The following SSBP2 variants were observed in gnomAD, a reference collection of about 807,000 sequenced individuals.
SSBP2 encodes the protein single-stranded DNA-binding protein 2.
Under a neutral mutation model 61.8 loss-of-function variants are expected in SSBP2, and 17 were observed. The ratio of observed to expected loss-of-function variants is 0.28; its 90% CI spans 0.19 to 0.41. SSBP2 has a LOEUF of 0.41. Among genes scored for constraint, SSBP2 ranks in the 10% least tolerant of loss-of-function variants. The pLI is 1.00. For synonymous variants in SSBP2, 139 were observed against 141.3 expected (o/e 0.98, Z 0.12); for missense variants, 310 against 458.7 (o/e 0.68, Z 2.96).
At chr5:81,490,743 A>G (rs1024246211) in intron 5 of SSBP2, among the ~76,000 whole-genome samples, 5 of 152,196 alleles carry the variant, frequency 3.3e-5, no homozygotes, top group Non-Finnish European at 5.9e-5. Flanking sequence ...GCAGAGTCTG[A>G]CAAACCAACA....
Position 81,551,082 on chromosome 5 carries a change from C to T in SSBP2, c.283-37365G>A, listed in dbSNP as rs144506590. ...CTGCACTCCACCCTGGGTGACAGAA[C>T]GAGACTCCATCTCGAAAAAAAAAAA... On this transcript the variant is annotated intron_variant, in intron 4 of 16. Transcript: ENST00000320672. 2.9e-4 allele frequency among the ~76,000 whole-genome samples: 35 copies of T among 120,426 alleles called. 2 individuals carry two copies. The East Asian group carries it at 5.8e-3, about 20-fold the overall frequency. 79.0% of individuals were successfully genotyped at this position (120,426 alleles called of 152,430 possible).
At chr5:81,699,329 T>C (rs1753804113) in intron 1 of SSBP2, among the ~76,000 whole-genome samples, 1 of 152,222 alleles carries the variant, frequency 6.6e-6, no homozygotes, top group South Asian at 2.1e-4. Flanking sequence ...TGTAGCATGC[T>C]ATGCTGTTTG....
chr5:81,556,954 T>C (rs972014698), intron 4 of SSBP2, among the ~76,000 whole-genome samples: 2 of 152,186 alleles, frequency 1.3e-5, no homozygotes, highest in Non-Finnish European at 2.9e-5. Flanking sequence ...ATAAAAAAGC[T>C]GTACATAACT....
intron 5 of SSBP2, among the ~76,000 whole-genome samples, chr5:81,496,754 G>A (rs973556616): frequency 6.0e-4 from 92 of 152,158 alleles, no homozygotes; most frequent in African/African-American, 2.2e-3. Context: ...AAAGAAAACC[G>A]AAGACCAAAT....
intron 1 of SSBP2, among the ~76,000 whole-genome samples, chr5:81,737,681 G>A (rs1453873466): frequency 6.6e-6 from 1 of 150,702 alleles, no homozygotes. Context: ...CCAGCTACTC[G>A]AGAGGCTGAG....
chr5:81,604,942 A>T (rs1379750661), intron 4 of SSBP2, among the ~76,000 whole-genome samples: 1 of 152,152 alleles, frequency 6.6e-6, no homozygotes, highest in Non-Finnish European at 1.5e-5. Flanking sequence ...TTTTCCATTG[A>T]AAATGAAAAT....
At chr5:81,627,968 G>A (rs1428775552) in intron 3 of SSBP2, among the ~76,000 whole-genome samples, 1 of 152,036 alleles carries the variant, frequency 6.6e-6, no homozygotes, top group Non-Finnish European at 1.5e-5. Flanking sequence ...AGGAGGCTTA[G>A]GTGGGAGGAT....
chr5:81,596,463 T>C (rs1743759928), intron 4 of SSBP2, among the ~76,000 whole-genome samples: 1 of 98,278 alleles, frequency 1.0e-5, no homozygotes, highest in South Asian at 4.1e-4. Flanking sequence ...ACCAATGACT[T>C]TCTTCACAGA....
intron 4 of SSBP2, among the ~76,000 whole-genome samples, chr5:81,531,034 C>T (rs998792691): frequency 2.6e-5 from 4 of 151,550 alleles, no homozygotes; most frequent in African/African-American, 9.7e-5. Flanking sequence ...CATAGTAAGA[C>T]CCTATTTCTA....
At chr5:81,652,374 T>G (rs989546581) in intron 1 of SSBP2, among the ~76,000 whole-genome samples, 1 of 152,142 alleles carries the variant, frequency 6.6e-6, no homozygotes, top group Non-Finnish European at 1.5e-5. Flanking sequence ...TAAGTGACAG[T>G]CCTCACTTTC....
At chr5:81,467,810 T>A (rs1235178950) in intron 8 of SSBP2, among the ~76,000 whole-genome samples, 3 of 152,014 alleles carry the variant, frequency 2.0e-5, no homozygotes, top group African/African-American at 7.2e-5. Context: ...CTCTTCTGGG[T>A]ACTCTTTTTC....
chr5:81,451,094 G>A lies in SSBP2; in HGVS notation c.688-2269C>T, dbSNP rs572077923. ...TATAGTATTTGCCAGTTACTGTGGT[G>A]TAAATATTCCCACATGGCAGATTTT... On this transcript the variant is annotated intron_variant, in intron 10 of 16. Transcript: ENST00000320672. 7.9e-5 allele frequency among the ~76,000 whole-genome samples: 12 copies of A among 152,308 alleles called. No homozygotes were observed. The East Asian group carries it at 2.1e-3, about 27-fold the overall frequency.
chr5:81,676,225 T>C (rs1751969601), intron 1 of SSBP2, among the ~76,000 whole-genome samples: 1 of 152,188 alleles, frequency 6.6e-6, no homozygotes, highest in Non-Finnish European at 1.5e-5. Flanking sequence ...AATTTTATAG[T>C]CTATGGCTCA....
At chr5:81,717,945 ATGT>A (rs775232500) in intron 1 of SSBP2, among the ~76,000 whole-genome samples, 2 of 152,166 alleles carry the variant, frequency 1.3e-5, no homozygotes, top group Admixed American at 6.5e-5. Flanking sequence ...CGTAAAACAA[ATGT>A]TGTCAATATA....
intron 4 of SSBP2, among the ~76,000 whole-genome samples, chr5:81,609,936 T>C (rs1192062075): frequency 6.6e-6 from 1 of 152,194 alleles, no homozygotes; most frequent in Non-Finnish European, 1.5e-5. Context: ...ATTCCAGGTA[T>C]TCAACCACCC....
intron 4 of SSBP2, among the ~76,000 whole-genome samples, chr5:81,553,635 A>G (rs920206685): frequency 5.9e-5 from 9 of 152,122 alleles, no homozygotes; most frequent in African/African-American, 2.2e-4. Flanking sequence ...ATCAAAATAT[A>G]CATATTGCTT....
At chr5:81,629,885 T>C (rs1156949614) in intron 3 of SSBP2, among the ~76,000 whole-genome samples, 1 of 152,318 alleles carries the variant, frequency 6.6e-6, no homozygotes, top group South Asian at 2.1e-4. Context: ...TCTACTCTCT[T>C]AGCAAATATC....
chr5:81,516,671 C>T (rs1419508768), intron 4 of SSBP2, among the ~76,000 whole-genome samples: 1 of 152,012 alleles, frequency 6.6e-6, no homozygotes, highest in Non-Finnish European at 1.5e-5. Flanking sequence ...ATAATAAACG[C>T]TATAGAGGTA....
chr5:81,668,790 A>C (rs922631123), intron 1 of SSBP2, among the ~76,000 whole-genome samples: 1 of 152,160 alleles, frequency 6.6e-6, no homozygotes, highest in African/African-American at 2.4e-5. Flanking sequence ...ATTTTACATT[A>C]TATTTAGTCA....
Sources: allele counts gnomAD v4.1 joint callset (sites outside exome capture counted in the v4.1 genomes callset), GRCh38; gene constraint gnomAD v4.1.1; transcripts MANE v1.5; gene names NCBI Gene and HGNC (gene_info 2026-07-23, HGNC 2026-07-21).